Variants in EDIL3 observed in about 807,000 individuals in gnomAD.
The protein encoded by EDIL3 is EGF-like repeat and discoidin I-like domain-containing protein 3.
In EDIL3, 37 loss-of-function variants were observed where a neutral mutation model predicts 67.4. The ratio of observed to expected loss-of-function variants is 0.55; its 90% CI spans 0.42 to 0.72. The LOEUF is 0.72. Ranked by LOEUF, EDIL3 falls within the 30% of genes least tolerant of loss-of-function variation. The pLI, the probability that EDIL3 is intolerant of heterozygous loss-of-function variation, is 0.00. For missense variants in EDIL3, 527 were observed against 586.3 expected (o/e 0.90, Z 1.04); for synonymous variants, 195 against 196.3 (o/e 0.99, Z 0.05).
intron 9 of EDIL3, among the ~76,000 whole-genome samples, chr5:83,984,646 A>G (rs1433371507): frequency 1.3e-5 from 2 of 152,094 alleles, no homozygotes; most frequent in Non-Finnish European, 2.9e-5. Context: ...GAAAGTATGC[A>G]TGAAGTACCC....
intron 6 of EDIL3, among the ~76,000 whole-genome samples, chr5:84,072,494 T>C (rs576081586): frequency 6.6e-6 from 1 of 152,274 alleles, no homozygotes; most frequent in African/African-American, 2.4e-5. Context: ...TGTTTATATC[T>C]ATGAGACTAT....
chr5:84,038,957 T>C (rs978586031), intron 9 of EDIL3, among the ~76,000 whole-genome samples: 2 of 152,210 alleles, frequency 1.3e-5, no homozygotes, highest in African/African-American at 4.8e-5. Context: ...ATAGGCCTGA[T>C]ACCATTCAGC....
At chr5:84,344,100 G>A (rs1747185724) in intron 1 of EDIL3, among the ~76,000 whole-genome samples, 1 of 152,110 alleles carries the variant, frequency 6.6e-6, no homozygotes, top group Non-Finnish European at 1.5e-5. Flanking sequence ...AGGTTCTGTA[G>A]CTGTGGAAGA....
intron 2 of EDIL3, among the ~76,000 whole-genome samples, chr5:84,240,628 T>G (rs1327445787): frequency 2.0e-5 from 3 of 152,098 alleles, no homozygotes; most frequent in Non-Finnish European, 4.4e-5. Flanking sequence ...ATCTAATGCC[T>G]GATGATCTGA....
At chr5:84,015,438 C>T (rs1280101922) in intron 9 of EDIL3, among the ~76,000 whole-genome samples, 1 of 152,084 alleles carries the variant, frequency 6.6e-6, no homozygotes, top group Non-Finnish European at 1.5e-5. Context: ...ATTTGCTAGA[C>T]ATTGCTTTAT....
In EDIL3 at chr5:83,978,789, G is replaced by A. The variant is rs144951815; in HGVS notation, c.1138-15429C>T. On this transcript the variant is annotated intron_variant, in intron 9 of 10. Transcript: ENST00000296591. ...GAAATTGGCTGTTTATACAGAAAAT[G>A]AGTCCTTCTTTTCACAGTATCCCAA... Among the ~76,000 whole-genome samples, 245 of 152,142 alleles carry A rather than the reference G, an allele frequency of 1.6e-3. 1 individual carries two copies. The highest frequency in any genetic ancestry group is 5.5e-3 in the African/African-American group (229 of 41,562).
intron 1 of EDIL3, among the ~76,000 whole-genome samples, chr5:84,266,468 C>G (rs1342046995): frequency 6.6e-6 from 1 of 152,170 alleles, no homozygotes; most frequent in East Asian, 1.9e-4. Context: ...ATTCTCTACA[C>G]AGTTTTGTCA....
intron 9 of EDIL3, among the ~76,000 whole-genome samples, chr5:84,051,128 G>A (rs1432587211): frequency 3.3e-5 from 5 of 152,152 alleles, no homozygotes; most frequent in South Asian, 2.1e-4. Context: ...CCAGAGGAAC[G>A]ATCAGACAGC....
At chr5:84,371,341 A>ATATATATATATATATATATATGTGTG (rs1008172581) in intron 1 of EDIL3, among the ~76,000 whole-genome samples, 14 of 129,696 alleles carry the variant, frequency 1.1e-4, no homozygotes, top group African/African-American at 3.8e-4. Flanking sequence ...ATATATATAT[A>ATATATATATATATATATATATGTGTG]TGTGTGTGTG....
intron 9 of EDIL3, among the ~76,000 whole-genome samples, chr5:83,995,173 C>CACACAA (rs2112163523): frequency 1.3e-5 from 2 of 151,848 alleles, no homozygotes; most frequent in East Asian, 3.9e-4. Flanking sequence ...CACACACACA[C>CACACAA]ACACACACAT....
chr5:84,230,282 C>T (rs1389749338), intron 2 of EDIL3, among the ~76,000 whole-genome samples: 2 of 152,028 alleles, frequency 1.3e-5, no homozygotes, highest in African/African-American at 4.8e-5. Context: ...ACCCCACCAT[C>T]AATTTTCTAT....
intron 1 of EDIL3, among the ~76,000 whole-genome samples, chr5:84,287,772 T>C (rs1018981481): frequency 6.6e-6 from 1 of 152,114 alleles, no homozygotes. Flanking sequence ...AAACATTTTC[T>C]TTACTTGGTT....
chr5:83,994,072 G>A (rs1745195334), intron 9 of EDIL3, among the ~76,000 whole-genome samples: 1 of 152,150 alleles, frequency 6.6e-6, no homozygotes, highest in Non-Finnish European at 1.5e-5. Context: ...ACATGGTTAT[G>A]TTAAACGGTC....
At chr5:84,147,578 C>T (rs1211837306) in intron 4 of EDIL3, among the ~76,000 whole-genome samples, 1 of 152,068 alleles carries the variant, frequency 6.6e-6, no homozygotes, top group South Asian at 2.1e-4. Context: ...ACCACTATTT[C>T]ACTTTATGTG....
At chr5:84,245,865 T>TA (rs949518376) in intron 2 of EDIL3, among the ~76,000 whole-genome samples, 2 of 151,324 alleles carry the variant, frequency 1.3e-5, no homozygotes, top group African/African-American at 4.9e-5. Context: ...AATTTGATAT[T>TA]ACCTTCAATT....
At chr5:84,349,222 T>C (rs1419467634) in intron 1 of EDIL3, among the ~76,000 whole-genome samples, 1 of 152,204 alleles carries the variant, frequency 6.6e-6, no homozygotes, top group Non-Finnish European at 1.5e-5. Context: ...GCATCGGATT[T>C]TTCCGCAGGC....
intron 1 of EDIL3, among the ~76,000 whole-genome samples, chr5:84,340,534 C>CTATATATATA (rs776456328): frequency 3.1e-4 from 17 of 54,202 alleles, no homozygotes; most frequent in South Asian, 8.9e-4. Flanking sequence ...CTCTCTCTCT[C>CTATATATATA]TATATATATA....
intron 1 of EDIL3, among the ~76,000 whole-genome samples, chr5:84,306,546 T>C (rs1216077905): frequency 2.6e-5 from 4 of 152,232 alleles, no homozygotes; most frequent in Non-Finnish European, 5.9e-5. Flanking sequence ...ACTACCACTG[T>C]TTCTTGACCA....
chr5:84,162,241 T>C (rs1315718728), intron 4 of EDIL3, among the ~76,000 whole-genome samples: 1 of 152,064 alleles, frequency 6.6e-6, no homozygotes, highest in Non-Finnish European at 1.5e-5. Context: ...TGTTCCCTTG[T>C]ACCCATGGAT....
Sources: allele counts gnomAD v4.1 joint callset (sites outside exome capture counted in the v4.1 genomes callset), GRCh38; gene constraint gnomAD v4.1.1; transcripts MANE v1.5; gene names NCBI Gene and HGNC (gene_info 2026-07-23, HGNC 2026-07-21).